ST6GALNAC3: variants seen among roughly 807,000 people sequenced by gnomAD.
The protein encoded by ST6GALNAC3 is alpha-N-acetylgalactosaminide alpha-2,6-sialyltransferase 3.
Under a neutral mutation model 32.7 loss-of-function variants are expected in ST6GALNAC3, and 25 were observed. The ratio of observed to expected loss-of-function variants is 0.76; its 90% CI spans 0.56 to 1.07. The LOEUF is 1.07. ST6GALNAC3 is among the 50% of genes least tolerant of loss of function. The pLI, the probability that ST6GALNAC3 is intolerant of heterozygous loss-of-function variation, is 0.00. For synonymous variants in ST6GALNAC3, 129 were observed against 133.1 expected (o/e 0.97, Z 0.21); for missense variants, 355 against 382.4 (o/e 0.93, Z 0.60).
At chr1:76,287,310 T>C (rs891424854) in intron 1 of ST6GALNAC3, among the ~76,000 whole-genome samples, 2 of 152,210 alleles carry the variant, frequency 1.3e-5, no homozygotes, top group Non-Finnish European at 2.9e-5. Context: ...CGATAATTTG[T>C]TTAGCTAAGA....
chr1:76,419,038 C>T (rs1219909657), intron 3 of ST6GALNAC3, among the ~76,000 whole-genome samples: 1 of 148,206 alleles, frequency 6.7e-6, no homozygotes, highest in Non-Finnish European at 1.5e-5. Context: ...TAAAAACACC[C>T]TCATGTGCAC....
intron 2 of ST6GALNAC3, among the ~76,000 whole-genome samples, chr1:76,405,442 T>C (rs777339082): frequency 1.8e-4 from 28 of 152,218 alleles, no homozygotes; most frequent in Non-Finnish European, 4.1e-4. Context: ...TTGGCACTTG[T>C]CCCAATATAT....
intron 1 of ST6GALNAC3, among the ~76,000 whole-genome samples, chr1:76,286,429 CAT>C (rs1659783048): frequency 6.6e-6 from 1 of 152,214 alleles, no homozygotes; most frequent in African/African-American, 2.4e-5. Context: ...CCACTACCTC[CAT>C]AGAGATGTTT....
chr1:76,508,056 A>G (rs976431105), intron 3 of ST6GALNAC3, among the ~76,000 whole-genome samples: 6 of 152,090 alleles, frequency 3.9e-5, no homozygotes, highest in African/African-American at 1.2e-4. Flanking sequence ...TCATGTGCTT[A>G]TTGGCTCCTT....
chr1:76,533,339 A>T (rs367637193), intron 3 of ST6GALNAC3, among the ~76,000 whole-genome samples: 4 of 5,332 alleles, frequency 7.5e-4, no homozygotes, highest in African/African-American at 2.9e-3. Flanking sequence ...CATTCCCACA[A>T]ACAAACACCA....
At chr1:76,636,920 C>A (rs1483139581), downstream of ST6GALNAC3, 1 of 152,094 alleles carries the variant, frequency 6.6e-6, no homozygotes, top group African/African-American at 2.4e-5. Context: ...GGACAAGAAA[C>A]TTTAGTGTCT....
intron 3 of ST6GALNAC3, among the ~76,000 whole-genome samples, chr1:76,413,377 T>C (rs1654401035): frequency 6.6e-6 from 1 of 152,202 alleles, no homozygotes; most frequent in South Asian, 2.1e-4. Context: ...TGCAATATCA[T>C]GGATAAATTG....
intron 2 of ST6GALNAC3, among the ~76,000 whole-genome samples, chr1:76,366,019 C>T (rs1361809375): frequency 1.3e-5 from 2 of 152,184 alleles, no homozygotes; most frequent in Non-Finnish European, 2.9e-5. Flanking sequence ...TACCTTGCTA[C>T]TTCAGACTGA....
chr1:76,586,914 T>G (rs1646970187), intron 3 of ST6GALNAC3, among the ~76,000 whole-genome samples: 1 of 152,172 alleles, frequency 6.6e-6, no homozygotes, highest in Non-Finnish European at 1.5e-5. Context: ...GTACAGGATT[T>G]TGATTTCATT....
At chr1:76,583,192 A>C (rs1033973343) in intron 3 of ST6GALNAC3, among the ~76,000 whole-genome samples, 2 of 152,176 alleles carry the variant, frequency 1.3e-5, no homozygotes, top group African/African-American at 2.4e-5. Flanking sequence ...CTATTGTACC[A>C]TACTCAGTTG....
intron 2 of ST6GALNAC3, among the ~76,000 whole-genome samples, chr1:76,346,998 A>T (rs1317356300): frequency 6.6e-6 from 1 of 152,162 alleles, no homozygotes; most frequent in Non-Finnish European, 1.5e-5. Flanking sequence ...GAACATCTAC[A>T]TTTGGAAATA....
chr1:76,578,248 C>T (rs1276403493), intron 3 of ST6GALNAC3, among the ~76,000 whole-genome samples: 4 of 152,038 alleles, frequency 2.6e-5, no homozygotes, highest in African/African-American at 9.7e-5. Flanking sequence ...TAATCTGCCA[C>T]TTTCTTGAAA....
intron 3 of ST6GALNAC3, among the ~76,000 whole-genome samples, chr1:76,579,921 A>C (rs1646868591): frequency 6.6e-6 from 1 of 152,038 alleles, no homozygotes; most frequent in African/African-American, 2.4e-5. Flanking sequence ...GCCTAAATCC[A>C]TTAGTTGATT....
Position 76,631,748 on chromosome 1 carries a change from G to A in ST6GALNAC3, c.*2942G>A, listed in dbSNP as rs1649310666. 1 of 151,820 alleles carries A rather than the reference G, an allele frequency of 6.6e-6. No individual in the cohort carries two copies. The highest frequency in any genetic ancestry group is 1.5e-5 in the Non-Finnish European group (1 of 67,926). 9.4% of individuals were successfully genotyped at this position (151,820 alleles called of 1,614,324 possible). A position where few individuals can be genotyped will look rare whatever the true frequency, so the allele number is the denominator to read the frequency against. On this transcript the variant is annotated 3_prime_UTR_variant, in exon 5 of 5. Transcript: ENST00000328299. ...TCTTGGAAAATGAACTATAAAAAAG[G>A]GTCACAATTTTTCTGAAATTGGCAT...
chr1:76,164,080 C>T (rs1294434126), intron 1 of ST6GALNAC3, among the ~76,000 whole-genome samples: 1 of 152,186 alleles, frequency 6.6e-6, no homozygotes, highest in Non-Finnish European at 1.5e-5. Context: ...GAAAAACCAA[C>T]AGATGAAGAA....
At chr1:76,621,776 C>T (rs141536649) in intron 3 of ST6GALNAC3, among the ~76,000 whole-genome samples, 7 of 152,064 alleles carry the variant, frequency 4.6e-5, no homozygotes, top group African/African-American at 1.7e-4. Context: ...GGAAAGAATG[C>T]TTTTAATTGA....
At chr1:76,095,631 T>C (rs768323691) in intron 1 of ST6GALNAC3, among the ~76,000 whole-genome samples, 3 of 152,172 alleles carry the variant, frequency 2.0e-5, no homozygotes, top group Non-Finnish European at 4.4e-5. Context: ...ATGAAGAAGA[T>C]TGAGATGTTT....
intron 3 of ST6GALNAC3, among the ~76,000 whole-genome samples, chr1:76,554,456 G>A (rs1262423837): frequency 6.6e-6 from 1 of 152,056 alleles, no homozygotes; most frequent in African/African-American, 2.4e-5. Flanking sequence ...AACTAATGAG[G>A]ACACTTCATG....
At chr1:76,434,273 C>G (rs1202362649) in intron 3 of ST6GALNAC3, among the ~76,000 whole-genome samples, 2 of 152,134 alleles carry the variant, frequency 1.3e-5, no homozygotes, top group East Asian at 3.9e-4. Context: ...TTTTTACATG[C>G]TTGTACAATG....
Sources: allele counts gnomAD v4.1 joint callset (sites outside exome capture counted in the v4.1 genomes callset), GRCh38; gene constraint gnomAD v4.1.1; transcripts MANE v1.5; gene names NCBI Gene and HGNC (gene_info 2026-07-23, HGNC 2026-07-21).